ZBTB40: variants seen among roughly 807,000 people sequenced by gnomAD.
ZBTB40 encodes the protein zinc finger and BTB domain containing 40.
A neutral mutation model predicts 117.5 loss-of-function variants in ZBTB40; 60 were observed. The ratio of observed to expected loss-of-function variants is 0.51; its 90% CI spans 0.41 to 0.63. The LOEUF (loss-of-function observed/expected upper bound fraction) is 0.63. Ranked by LOEUF, ZBTB40 falls within the 30% of genes least tolerant of loss-of-function variation. The pLI, the probability that ZBTB40 is intolerant of heterozygous loss-of-function variation, is 0.00. For missense variants in ZBTB40, 1,287 were observed against 1,498.5 expected, an observed-to-expected ratio of 0.86 and a Z score of 2.33; for synonymous variants, 525 against 577.1, an observed-to-expected ratio of 0.91 and a Z score of 1.29.
intron 15 of ZBTB40, 58 bp downstream of exon 15, chr1:22,521,716 G>A: frequency 1.2e-6 from 2 of 1,609,290 alleles, no homozygotes; most frequent in East Asian, 2.2e-5. Flanking sequence ...TAGCCTCCTG[G>A]GCCCCACCAG....
chr1:22,529,740 A>C lies in ZBTB40; in HGVS notation c.*3344A>C, dbSNP rs1639779964. On this transcript the variant is annotated 3_prime_UTR_variant, in exon 18 of 18. Transcript: ENST00000375647. ...TAGCAGGGTCTGCAGTGTGAGTACC[A>C]GGTTTCCCTGGCAATCCAGGTCTCC... 1 of 152,214 alleles carries C rather than the reference A, an allele frequency of 6.6e-6. No individual in the cohort carries two copies. The allele number at this position is 152,214 out of a possible 1,614,324, so 9.4% of individuals were successfully genotyped here.
intron 1 of ZBTB40, among the ~76,000 whole-genome samples, chr1:22,482,362 G>A (rs945969482): frequency 3.9e-5 from 6 of 151,942 alleles, no homozygotes; most frequent in Admixed American, 1.3e-4. Context: ...AAAATTAAGC[G>A]GAAATTACAG....
At position 22,493,474 on chromosome 1, in the gene ZBTB40, C is replaced by T. The variant is rs531697794; in HGVS notation, c.831+1941C>T. Among the ~76,000 whole-genome samples the T allele has an allele frequency of 2.0e-5, 3 of 152,308 alleles. No individual in the cohort carries two copies. The East Asian group carries it at 5.8e-4, about 29-fold the overall frequency. ...CTCTCTCATACTTTGTTTCAGACAG[C>T]CTTGTTGAGCTATGACTGACATGCA... On this transcript the variant is annotated intron_variant, in intron 3 of 17. Transcript: ENST00000375647.
At chr1:22,431,812 A>C (rs1640595333) in intron 1 of ZBTB40, among the ~76,000 whole-genome samples, 1 of 151,938 alleles carries the variant, frequency 6.6e-6, no homozygotes, top group African/African-American at 2.4e-5. Flanking sequence ...GGTTTTTTAA[A>C]ATTTGTATTT....
At chr1:22,508,755 G>A (rs770223003) in intron 8 of ZBTB40, 24 bp downstream of exon 8, 2 of 1,608,456 alleles carry the variant, frequency 1.2e-6, no homozygotes, top group South Asian at 2.2e-5. Context: ...CCTCTGGGGG[G>A]GTTTTGCCCC....
Position 22,508,718 on chromosome 1 carries a change from T to A in ZBTB40, c.1686T>A (p.Ala562=). ...TACGAAGGGAGCCTGGTGCCGATGC[T>A]TTCTTCCGGGCAGGTAAGTTACCTG... ...EEIRREPGAD[A]FFRAVTTPEH... The change falls in exon 8 of 18, where the codon GCT becomes GCA. Residue 562 remains alanine (A), a synonymous_variant. Transcript: ENST00000375647. 1 of 1,613,726 alleles carries A rather than the reference T, an allele frequency of 6.2e-7. No homozygotes were observed. Among genetic ancestry groups the A allele is most frequent in the South Asian group, 1.1e-5 (1 of 91,050 alleles).
chr1:22,509,490 G>A (rs1464307199), intron 9 of ZBTB40, among the ~76,000 whole-genome samples: 1 of 152,258 alleles, frequency 6.6e-6, no homozygotes, highest in Middle Eastern at 3.4e-3. Flanking sequence ...GGGATTACAG[G>A]TGCGCACCAC....
At chr1:22,500,608 C>T (rs577522971) in intron 3 of ZBTB40, among the ~76,000 whole-genome samples, 74 of 152,272 alleles carry the variant, frequency 4.9e-4, no homozygotes, top group African/African-American at 1.7e-3. Flanking sequence ...CTGCTGAAAT[C>T]GGAAGAGAAT....
intron 3 of ZBTB40, among the ~76,000 whole-genome samples, chr1:22,494,925 A>C (rs1638733250): frequency 6.6e-6 from 1 of 152,226 alleles, no homozygotes; most frequent in South Asian, 2.1e-4. Context: ...AGAGCTGTTC[A>C]CTTAGAACAA....
At chr1:22,487,740 G>A (rs1638510588) in intron 1 of ZBTB40, among the ~76,000 whole-genome samples, 1 of 151,926 alleles carries the variant, frequency 6.6e-6, no homozygotes, top group Admixed American at 6.6e-5. Flanking sequence ...TTACTTAGGT[G>A]GTATATTTAA....
At chr1:22,488,181 A>G (rs1052956704) in intron 1 of ZBTB40, among the ~76,000 whole-genome samples, 5 of 152,172 alleles carry the variant, frequency 3.3e-5, no homozygotes, top group Non-Finnish European at 7.4e-5. Flanking sequence ...CCTTTTAGTT[A>G]TTTATTCATT....
chr1:22,522,415 T>C lies in ZBTB40; in HGVS notation c.3250T>C (p.Phe1084Leu), dbSNP rs751770966. The stretch of plus-strand genomic sequence containing the variant: ...TGAATGTGACCAGTGTAAGGAGCTC[T>C]TCCCCACGCCAGCCTTGCTGCAGGT... ...FHECDQCKELFPTPALLQVHV... is the reference protein window; with the variant it reads ...FHECDQCKELLPTPALLQVHV... The change falls in exon 16 of 18, where the codon TTC becomes CTC. Residue 1084 changes from phenylalanine (F) to leucine (L), a missense_variant. Around this residue, in one of 2 missense-constraint regions of ZBTB40, gnomAD observed 417 missense variants for 564.1 expected, o/e 0.74. Coordinates refer to ENST00000375647, the MANE Select transcript of ZBTB40 (RefSeq NM_014870.4). The C allele has an allele frequency of 1.2e-6, 2 of 1,613,028 alleles. No homozygotes were observed. Among genetic ancestry groups the C allele is most frequent in the Non-Finnish European group, 1.7e-6 (2 of 1,178,988 alleles).
chr1:22,498,002 C>T (rs1410790414), intron 3 of ZBTB40, among the ~76,000 whole-genome samples: 2 of 152,044 alleles, frequency 1.3e-5, no homozygotes, highest in East Asian at 3.8e-4. Flanking sequence ...GATCTGAAGG[C>T]AGTACACGAA....
chr1:22,508,680 CT>C lies in ZBTB40; in HGVS notation c.1649del (p.Leu550ProfsTer18). On this transcript the variant is annotated frameshift_variant, in exon 8 of 18. Transcript: ENST00000375647. LOFTEE classifies it high-confidence loss of function. The stretch of plus-strand genomic sequence containing the variant: ...GACAAAGACCTGTCCATTGGACCTG[CT>C]CATGGAGGAAATACGAAGGGAGCCT... ...QETKTCPLDLLMEEIRREPGA... is the reference protein window; with the variant it reads ...QETKTCPLDLXMEEIRREPGA... 6.2e-7 allele frequency: 1 copy of C among 1,614,188 alleles called. No homozygotes were observed. The highest frequency in any genetic ancestry group is 8.5e-7 in the Non-Finnish European group (1 of 1,180,034).
At chr1:22,444,250 A>G (rs1407315316) in intron 1 of ZBTB40, among the ~76,000 whole-genome samples, 2 of 152,010 alleles carry the variant, frequency 1.3e-5, no homozygotes, top group Non-Finnish European at 2.9e-5. Context: ...CATCTCTACT[A>G]AAAATATATA....
In ZBTB40 at chr1:22,528,844, G is replaced by A. The variant is rs1052521959; in HGVS notation, c.*2448G>A. On this transcript the variant is annotated 3_prime_UTR_variant, in exon 18 of 18. Transcript: ENST00000375647. ...AGCCACTACGCCTGGCCAGGTTTCT[G>A]TTGGAGACCCAGATTGTGACAAGAC... 6 of 152,122 alleles carry A rather than the reference G, an allele frequency of 3.9e-5. No individual in the cohort carries two copies. The highest frequency in any genetic ancestry group is 1.4e-4 in the African/African-American group (6 of 41,420). 9.4% of individuals were successfully genotyped at this position (152,122 alleles called of 1,614,324 possible).
chr1:22,459,418 A>G (rs1334363311), intron 1 of ZBTB40, among the ~76,000 whole-genome samples: 1 of 152,242 alleles, frequency 6.6e-6, no homozygotes, highest in Non-Finnish European at 1.5e-5. Context: ...TTTTATCTTT[A>G]TCCCAATGGC....
At chr1:22,458,673 A>G (rs1641060267) in intron 1 of ZBTB40, among the ~76,000 whole-genome samples, 1 of 152,222 alleles carries the variant, frequency 6.6e-6, no homozygotes, top group African/African-American at 2.4e-5. Flanking sequence ...TAGTTGTATC[A>G]CCAACTTCAT....
chr1:22,482,594 T>G (rs1638353126), intron 1 of ZBTB40, among the ~76,000 whole-genome samples: 1 of 152,220 alleles, frequency 6.6e-6, no homozygotes, highest in African/African-American at 2.4e-5. Flanking sequence ...CATTGTAGAT[T>G]CATGAAGAAT....
Sources: gnomAD v4.1 joint callset for allele counts (sites outside exome capture counted in the v4.1 genomes callset) on GRCh38, gnomAD v4.1.1 for gene constraint, gnomAD v4.1.1 regional missense constraint, MANE v1.5 for transcripts, NCBI Gene and HGNC (gene_info 2026-07-23, HGNC 2026-07-21) for gene names.